Variants in NAV1 observed in about 807,000 individuals in gnomAD.
The protein encoded by NAV1 is neuron navigator 1.
Under a neutral mutation model 175.2 loss-of-function variants are expected in NAV1, and 18 were observed. That is an observed-to-expected ratio of 0.10 (90% CI 0.07 to 0.15). NAV1 has a LOEUF of 0.15. Among genes scored for constraint, NAV1 ranks in the 10% least tolerant of loss-of-function variants. The pLI is 1.00. For synonymous variants in NAV1, 897 were observed against 978.7 expected (o/e 0.92, Z 1.56); for missense variants, 1,731 against 2,436.6 (o/e 0.71, Z 6.10).
chr1:201,711,441 G>A (rs553019154), intron 1 of NAV1, among the ~76,000 whole-genome samples: 19 of 152,202 alleles, frequency 1.2e-4, no homozygotes, highest in Non-Finnish European at 2.8e-4. Flanking sequence ...GCCGGCCTGA[G>A]CTTAGTCTTG....
exon 1 of NAV1, chr1:201,623,288 AAGGGACTCC>A (rs1668229861): frequency 1.0e-6 from 1 of 985,846 alleles, no homozygotes; most frequent in Admixed American, 6.1e-5. Flanking sequence ...AAAGCCCAGG[AAGGGACTCC>A]AGTCTGCCAG....
chr1:201,623,546 TCTC>T, exon 1 of NAV1: 1 of 986,172 alleles, frequency 1.0e-6, no homozygotes, highest in Non-Finnish European at 1.2e-6. Context: ...GCCATTAGCT[TCTC>T]CTCAGTCCAT....
chr1:201,749,592 C>T (rs1228117675), intron 3 of NAV1, among the ~76,000 whole-genome samples: 1 of 152,114 alleles, frequency 6.6e-6, no homozygotes, highest in East Asian at 1.9e-4. Flanking sequence ...CCTGTTTATG[C>T]CAGTTGAACT....
At chr1:201,617,162 C>T (rs891313338) in intron 2 of NAV1, among the ~76,000 whole-genome samples, 2 of 151,382 alleles carry the variant, frequency 1.3e-5, no homozygotes, top group African/African-American at 4.9e-5. Context: ...ACAAAGAGAG[C>T]ATGTTTGGAG....
At chr1:201,562,927 C>T (rs1666246046) in intron 1 of NAV1, among the ~76,000 whole-genome samples, 1 of 152,180 alleles carries the variant, frequency 6.6e-6, no homozygotes. Flanking sequence ...CATCAGTTTC[C>T]TTTTCTGAAA....
intron 1 of NAV1, among the ~76,000 whole-genome samples, chr1:201,664,914 T>C (rs1302598405): frequency 1.3e-5 from 2 of 152,142 alleles, no homozygotes; most frequent in Non-Finnish European, 2.9e-5. Context: ...TCTGTGTCCT[T>C]GGGCCCAGGT....
chr1:201,678,805 C>A (rs1435243061), intron 1 of NAV1, among the ~76,000 whole-genome samples: 1 of 152,210 alleles, frequency 6.6e-6, no homozygotes, highest in African/African-American at 2.4e-5. Flanking sequence ...TCTGTCCCCC[C>A]TCCCAACCCA....
chr1:201,660,176 G>A (rs1450744078), intron 1 of NAV1, among the ~76,000 whole-genome samples: 1 of 152,210 alleles, frequency 6.6e-6, no homozygotes, highest in Non-Finnish European at 1.5e-5. Flanking sequence ...CAACAGCAGG[G>A]AAGGCAGCAG....
chr1:201,758,473 A>T (rs1210028085), intron 3 of NAV1, among the ~76,000 whole-genome samples: 1 of 152,098 alleles, frequency 6.6e-6, no homozygotes, highest in African/African-American at 2.4e-5. Context: ...GGAGCATGTC[A>T]CTCTTTCAAG....
chr1:201,791,814 T>C (rs1242877044), intron 13 of NAV1: 1 of 152,224 alleles, frequency 6.6e-6, no homozygotes, highest in Non-Finnish European at 1.5e-5. Flanking sequence ...ACCAGTTTGT[T>C]TGAAGCTCAT....
intron 1 of NAV1, among the ~76,000 whole-genome samples, chr1:201,588,224 G>A (rs1667089743): frequency 6.6e-6 from 1 of 152,216 alleles, no homozygotes; most frequent in East Asian, 1.9e-4. Context: ...ATCTTATTCG[G>A]CTGTAAAAAG....
chr1:201,540,754 T>G (rs1485205780), intron 1 of NAV1, among the ~76,000 whole-genome samples: 1 of 152,232 alleles, frequency 6.6e-6, no homozygotes, highest in Non-Finnish European at 1.5e-5. Flanking sequence ...GCTTTCACCA[T>G]CAGTTTTTAG....
At chr1:201,604,800 A>C (rs1274111525) in intron 2 of NAV1, among the ~76,000 whole-genome samples, 1 of 151,860 alleles carries the variant, frequency 6.6e-6, no homozygotes, top group East Asian at 1.9e-4. Flanking sequence ...GAAAGAAGGA[A>C]GGAAGGAAGC....
At chr1:201,571,146 T>A (rs1307129619) in intron 1 of NAV1, among the ~76,000 whole-genome samples, 2 of 152,170 alleles carry the variant, frequency 1.3e-5, no homozygotes, top group Non-Finnish European at 2.9e-5. Context: ...AGGCCCTGGC[T>A]CCTGGATCTC....
rs374182095 is a variant in NAV1, at chr1:201,626,529, G to C, written c.-100-2875G>C. Among the ~76,000 whole-genome samples the C allele has an allele frequency of 1.3e-4, 20 of 152,182 alleles. No homozygotes were observed. The East Asian group carries it at 1.3e-3, about 10-fold the overall frequency. On this transcript the variant is annotated intron_variant, in intron 1 of 29. Coordinates refer to the NAV1 transcript ENST00000367302. ...TCCATCACTTCCCTTTGGACCCAGA[G>C]AAGGTGCAATCCCCTGTCCGCTCTC...
chr1:201,557,711 T>C (rs1666071782), intron 1 of NAV1, among the ~76,000 whole-genome samples: 1 of 152,164 alleles, frequency 6.6e-6, no homozygotes, highest in African/African-American at 2.4e-5. Flanking sequence ...AGCCCAGAAA[T>C]AGCTGGCTGA....
intron 1 of NAV1, among the ~76,000 whole-genome samples, chr1:201,571,858 A>G (rs1019470643): frequency 1.3e-5 from 2 of 151,060 alleles, no homozygotes; most frequent in Admixed American, 6.6e-5. Flanking sequence ...TGTTTATCAC[A>G]GGGGAAGGGC....
chr1:201,648,724 G>C, exon 1 of NAV1: 1 of 1,416,310 alleles, frequency 7.1e-7, no homozygotes, highest in Non-Finnish European at 9.2e-7. Context: ...AGCAGCGGCG[G>C]CGGCGACGAG....
At position 201,756,828 on chromosome 1, in the gene NAV1, CTTTCTTTCTT is replaced by C. The variant is rs1359478831; in HGVS notation, c.1227-23591_1227-23582del. Reference sequence around the variant, plus strand: ...TCTTTCCTTCTTTCTTTCTTTCTTTCTTTCTTTCTTTCTTTCTTTCTTTCTTTCTTTCTTT... The same window carrying C: ...TCTTTCCTTCTTTCTTTCTTTCTTTCTCTTTCTTTCTTTCTTTCTTTCTTT... On this transcript the variant is annotated intron_variant, in intron 3 of 29. Coordinates refer to ENST00000367296, the Ensembl canonical transcript of NAV1. Among the ~76,000 whole-genome samples the C allele has an allele frequency of 1.7e-3, 37 of 21,360 alleles. No individual in the cohort carries two copies. The South Asian group carries it at 0.025, about 14-fold the overall frequency. The allele number at this position is 21,360 out of a possible 152,430, so 14.0% of individuals were successfully genotyped here. A position where few individuals can be genotyped will look rare whatever the true frequency, so the allele number is the denominator to read the frequency against.
Sources: allele counts gnomAD v4.1 joint callset (sites outside exome capture counted in the v4.1 genomes callset), GRCh38; gene constraint gnomAD v4.1.1; transcripts MANE v1.5; gene names NCBI Gene and HGNC (gene_info 2026-07-23, HGNC 2026-07-21).